THSD4: variants seen among roughly 807,000 people sequenced by gnomAD.
The protein encoded by THSD4 is thrombospondin type-1 domain-containing protein 4.
THSD4 carries 69 observed loss-of-function variants against 119.0 expected under a neutral mutation model. The ratio of observed to expected loss-of-function variants is 0.58; its 90% CI spans 0.48 to 0.71. THSD4 has a LOEUF of 0.71. Ranked by LOEUF, THSD4 falls within the 30% of genes least tolerant of loss-of-function variation. The pLI is 0.00. For synonymous variants in THSD4, 524 were observed against 540.4 expected (o/e 0.97, Z 0.42); for missense variants, 1,393 against 1,391.1 (o/e 1.00, Z -0.02).
chr15:71,725,914 T>C (rs2052826382), intron 8 of THSD4, among the ~76,000 whole-genome samples: 1 of 152,046 alleles, frequency 6.6e-6, no homozygotes, highest in East Asian at 1.9e-4. Flanking sequence ...CCTGAGTAGC[T>C]GGGATTACAG....
chr15:71,441,644 T>C (rs1245180362), intron 7 of THSD4, among the ~76,000 whole-genome samples: 5 of 151,880 alleles, frequency 3.3e-5, no homozygotes, highest in African/African-American at 1.2e-4. Flanking sequence ...CTGCCCGCCT[T>C]GGCCTCACAA....
chr15:71,773,200 C>CAAAAAA (rs5813665), intron 17 of THSD4, among the ~76,000 whole-genome samples: 33 of 53,870 alleles, frequency 6.1e-4, no homozygotes, highest in East Asian at 1.3e-3. Flanking sequence ...GACCATGTCT[C>CAAAAAA]AAAAAAAAAA....
intron 7 of THSD4, among the ~76,000 whole-genome samples, chr15:71,577,251 A>G (rs1034286888): frequency 5.9e-5 from 9 of 152,358 alleles, no homozygotes; most frequent in Non-Finnish European, 1.0e-4. Flanking sequence ...GTGCCAGGAC[A>G]TCAGACATGC....
chr15:71,679,597 A>G (rs1307404155), intron 8 of THSD4, among the ~76,000 whole-genome samples: 4 of 152,270 alleles, frequency 2.6e-5, no homozygotes, highest in African/African-American at 9.6e-5. Flanking sequence ...AGGTACAGAG[A>G]AGGAAGAATG....
At chr15:71,317,500 G>C (rs1240760270) in intron 6 of THSD4, among the ~76,000 whole-genome samples, 1 of 152,164 alleles carries the variant, frequency 6.6e-6, no homozygotes, top group Admixed American at 6.5e-5. Context: ...AATCTCATGA[G>C]ACTTATTCAC....
chr15:71,677,286 G>A (rs189920855), intron 8 of THSD4, among the ~76,000 whole-genome samples: 7 of 152,312 alleles, frequency 4.6e-5, no homozygotes, highest in African/African-American at 1.2e-4. Flanking sequence ...AATGTTCCTC[G>A]TCAATGCTGG....
At chr15:71,475,109 T>C (rs1043579980) in intron 7 of THSD4, among the ~76,000 whole-genome samples, 1 of 152,198 alleles carries the variant, frequency 6.6e-6, no homozygotes, top group African/African-American at 2.4e-5. Context: ...CTCCCTGCAT[T>C]ATGCCTTCCT....
chr15:71,246,959 A>G, intron 5 of THSD4, among the ~76,000 whole-genome samples: 1 of 129,546 alleles, frequency 7.7e-6, no homozygotes, highest in East Asian at 2.3e-4. Flanking sequence ...GCACGATCTC[A>G]GGTCACTACA....
rs534221632 is a variant in THSD4, at chr15:71,582,490, C to T, written c.1153-78040C>T. ...GCCTTTTATTTCTTTTTCTTGCTTA[C>T]TTGCTCCAGCTAGTAGTTCAGTATT... On this transcript the variant is annotated intron_variant, in intron 7 of 17. Coordinates refer to ENST00000261862, the MANE Select transcript of THSD4 (RefSeq NM_024817.3). Among the ~76,000 whole-genome samples the T allele has an allele frequency of 1.6e-4, 25 of 152,114 alleles. No homozygotes were observed. In the South Asian group the frequency reaches 5.2e-3, roughly 32 times the overall value.
intron 6 of THSD4, among the ~76,000 whole-genome samples, chr15:71,305,971 T>C (rs2045018432): frequency 6.6e-6 from 1 of 152,122 alleles, no homozygotes; most frequent in Non-Finnish European, 1.5e-5. Flanking sequence ...AGTGTGAAGA[T>C]AACTTTTTCC....
chr15:71,369,727 A>G lies in THSD4; in HGVS notation c.1016-41960A>G, dbSNP rs572070003. On this transcript the variant is annotated intron_variant, in intron 6 of 17. Transcript: ENST00000261862. ...TTTTGCATCAATGTTCATCAAGGAT[A>G]TTGGTCTAAAATTCTCTTTTTGTTG... 2.1e-3 allele frequency among the ~76,000 whole-genome samples: 313 copies of G among 152,252 alleles called. 1 individual carries two copies. The highest frequency in any genetic ancestry group is 0.01 in the Middle Eastern group (3 of 294).
chr15:71,400,231 C>A (rs986257285), intron 6 of THSD4, among the ~76,000 whole-genome samples: 1 of 152,084 alleles, frequency 6.6e-6, no homozygotes, highest in Non-Finnish European at 1.5e-5. Flanking sequence ...GGGTATTAGG[C>A]AATTGATAAG....
chr15:71,242,910 C>T lies in THSD4; in HGVS notation c.726C>T (p.Ile242=). 6.2e-7 allele frequency: 1 copy of T among 1,614,244 alleles called. No individual in the cohort carries two copies. Among genetic ancestry groups the T allele is most frequent in the Non-Finnish European group, 8.5e-7 (1 of 1,180,040 alleles). The change falls in exon 5 of 18, where the codon ATC becomes ATT. Residue 242 remains isoleucine (I), a synonymous_variant. Coordinates refer to ENST00000261862, the MANE Select transcript of THSD4 (RefSeq NM_024817.3). ...RSGLQAAEAP[I]YQLPLTHDQG... Reference sequence around the variant, plus strand: ...GACTGCAGGCTGCGGAGGCCCCCATCTACCAGCTACCTTTGACCCATGATC... The same window carrying T: ...GACTGCAGGCTGCGGAGGCCCCCATTTACCAGCTACCTTTGACCCATGATC...
At chr15:71,640,980 G>GAC (rs10551548) in intron 7 of THSD4, among the ~76,000 whole-genome samples, 4,574 of 146,674 alleles carry the variant, frequency 0.031, 124 homozygotes, top group African/African-American at 0.077. Flanking sequence ...CCCACCTACA[G>GAC]ACACACACAC....
chr15:71,387,562 G>A (rs573818033), intron 6 of THSD4, among the ~76,000 whole-genome samples: 1 of 152,276 alleles, frequency 6.6e-6, no homozygotes, highest in Non-Finnish European at 1.5e-5. Context: ...ATTCCAGGTG[G>A]AGGATGAATG....
At position 71,696,436 on chromosome 15, in the gene THSD4, C is replaced by G. The variant is rs559505764; in HGVS notation, c.1358-32113C>G. Among the ~76,000 whole-genome samples the G allele has an allele frequency of 1.2e-4, 18 of 152,324 alleles. 2 individuals are homozygous for G. In the South Asian group the frequency reaches 3.7e-3, roughly 32 times the overall value. ...ACAGCTAAAAGGAAACAAAGCCATT[C>G]CTGAGGGATCCACCCCCAATGACCC... is the stretch of plus-strand genomic sequence containing the variant. On this transcript the variant is annotated intron_variant, in intron 8 of 17. Coordinates refer to ENST00000261862, the MANE Select transcript of THSD4 (RefSeq NM_024817.3).
At chr15:71,683,275 T>G (rs1201018323) in intron 8 of THSD4, among the ~76,000 whole-genome samples, 1 of 152,042 alleles carries the variant, frequency 6.6e-6, no homozygotes, top group African/African-American at 2.4e-5. Context: ...CCAGGTGAAT[T>G]TTTGAAACCA....
At chr15:71,749,897 G>A (rs922062312) in intron 14 of THSD4, among the ~76,000 whole-genome samples, 45 of 151,524 alleles carry the variant, frequency 3.0e-4, no homozygotes, top group African/African-American at 9.2e-4. Context: ...CCACCACCCC[G>A]GCTAATTTTT....
chr15:71,377,677 T>A (rs1166894677), intron 6 of THSD4, among the ~76,000 whole-genome samples: 1 of 152,038 alleles, frequency 6.6e-6, no homozygotes, highest in Non-Finnish European at 1.5e-5. Context: ...CAGTGGGCCA[T>A]TCTGTTTCAG....
Sources: allele counts gnomAD v4.1 joint callset (sites outside exome capture counted in the v4.1 genomes callset), GRCh38; gene constraint gnomAD v4.1.1; transcripts MANE v1.5; gene names NCBI Gene and HGNC (gene_info 2026-07-23, HGNC 2026-07-21).